The following FAM120A variants were observed in gnomAD, a reference collection of about 807,000 sequenced individuals.
FAM120A encodes the protein constitutive coactivator of PPAR-gamma-like protein 1.
Under a neutral mutation model 109.7 loss-of-function variants are expected in FAM120A, and 15 were observed. That is an observed-to-expected ratio of 0.14 (90% CI 0.09 to 0.21). FAM120A has a LOEUF of 0.21. Among genes scored for constraint, FAM120A ranks in the 10% least tolerant of loss-of-function variants. The pLI, the probability that FAM120A is intolerant of heterozygous loss-of-function variation, is 1.00. For missense variants in FAM120A, 899 were observed against 1,439.3 expected (o/e 0.62, Z 6.07); for synonymous variants, 493 against 572.8 (o/e 0.86, Z 1.99).
chr9:93,528,042 A>G (rs1463819571), intron 8 of FAM120A, among the ~76,000 whole-genome samples: 1 of 152,188 alleles, frequency 6.6e-6, no homozygotes, highest in African/African-American at 2.4e-5. Context: ...TTCCTGCCTG[A>G]AGGTTTTGGT....
At chr9:93,510,498 C>A (rs1339583184) in intron 5 of FAM120A, among the ~76,000 whole-genome samples, 1 of 152,172 alleles carries the variant, frequency 6.6e-6, no homozygotes, top group South Asian at 2.1e-4. Flanking sequence ...TTCAAAGTAG[C>A]GACCTGGTAG....
At chr9:93,458,024 A>G (rs1419159421) in intron 1 of FAM120A, among the ~76,000 whole-genome samples, 1 of 152,142 alleles carries the variant, frequency 6.6e-6, no homozygotes, top group African/African-American at 2.4e-5. Context: ...GCTAACCCAC[A>G]TGTTTATTTG....
At chr9:93,460,146 G>C (rs1394706606) in intron 1 of FAM120A, among the ~76,000 whole-genome samples, 1 of 152,218 alleles carries the variant, frequency 6.6e-6, no homozygotes, top group East Asian at 1.9e-4. Flanking sequence ...ACCTTAATAA[G>C]CACTACACCA....
At chr9:93,510,281 C>T (rs963225351) in intron 5 of FAM120A, among the ~76,000 whole-genome samples, 52 of 152,136 alleles carry the variant, frequency 3.4e-4, no homozygotes, top group Admixed American at 2.5e-3. Flanking sequence ...ATCATGTGGC[C>T]ATTTTGGAAG....
At position 93,498,845 on chromosome 9, in the gene FAM120A, C is replaced by T; in HGVS notation, c.989C>T (p.Ala330Val). 1.9e-6 allele frequency: 3 copies of T among 1,611,910 alleles called. No individual in the cohort carries two copies. The highest frequency in any genetic ancestry group is 2.5e-6 in the Non-Finnish European group (3 of 1,178,080). The change falls in exon 5 of 18, where the codon GCG becomes GTG. Residue 330 changes from alanine (A) to valine (V), a missense_variant. Ala to Val is a moderately conservative substitution (Grantham distance 64). Around this residue, in one of 11 missense-constraint regions of FAM120A, gnomAD observed 258 missense variants for 451.4 expected, o/e 0.57. Transcript: ENST00000277165. The surrounding 1 kb of genome is among the most constrained non-coding windows in gnomAD (Gnocchi z 4.4). Reference protein sequence around the residue: ...RFKRAIGYYSATSKPMSFHPP... With the variant: ...RFKRAIGYYSVTSKPMSFHPP... The stretch of plus-strand genomic sequence containing the variant: ...AAGAGAGCAATTGGATATTATTCAG[C>T]GACTAGTAAGCCTATGTCATTTCAT...
intron 7 of FAM120A, among the ~76,000 whole-genome samples, chr9:93,523,991 C>T (rs1588879835): frequency 6.6e-6 from 1 of 152,222 alleles, no homozygotes; most frequent in African/African-American, 2.4e-5. Flanking sequence ...CAGGAGAACT[C>T]TGAGCATCTG....
At position 93,452,651 on chromosome 9, in the gene FAM120A, C is replaced by G; in HGVS notation, c.474+262C>G. The stretch of plus-strand genomic sequence containing the variant: ...GACACTTGAGGGCTGGGAGAGAGCC[C>G]CGGACCAGAATTCGGAGGCGACAGT... On this transcript the variant is annotated intron_variant, in intron 1 of 17. Transcript: ENST00000277165. This position sits in a 1 kb window ranked among gnomAD's most constrained non-coding sequence, Gnocchi z 7.0. 1 of 1,599,074 alleles carries G rather than the reference C, an allele frequency of 6.3e-7. No homozygotes were observed. Among genetic ancestry groups the G allele is most frequent in the African/African-American group, 1.3e-5 (1 of 75,062 alleles).
At chr9:93,533,046 G>A (rs1861390807) in intron 10 of FAM120A, among the ~76,000 whole-genome samples, 1 of 152,172 alleles carries the variant, frequency 6.6e-6, no homozygotes, top group Admixed American at 6.5e-5. Flanking sequence ...ATCTCCTAAT[G>A]TAAGGAATGT....
intron 3 of FAM120A, among the ~76,000 whole-genome samples, chr9:93,483,083 A>G (rs754469659): frequency 6.6e-5 from 10 of 152,238 alleles, no homozygotes; most frequent in Non-Finnish European, 5.9e-5. Context: ...TAAGTTGGGT[A>G]TAAACTGTAA....
chr9:93,508,134 A>G (rs1286490443), intron 5 of FAM120A, among the ~76,000 whole-genome samples: 1 of 152,172 alleles, frequency 6.6e-6, no homozygotes, highest in Non-Finnish European at 1.5e-5. Flanking sequence ...AGCCTCCACT[A>G]AGCAGCATGG....
intron 1 of FAM120A, among the ~76,000 whole-genome samples, chr9:93,465,176 T>C (rs1466046218): frequency 6.6e-6 from 1 of 152,244 alleles, no homozygotes; most frequent in Non-Finnish European, 1.5e-5. Flanking sequence ...GTAAGTTATT[T>C]TGATGCAACC....
At position 93,451,915 on chromosome 9, in the gene FAM120A, C is replaced by T; in HGVS notation, c.-1C>T. The stretch of plus-strand genomic sequence containing the variant: ...CCCGCGCCCGCGCCCCCGCCGCCGC[C>T]ATGGGCGTGCAGGGCTTCCAGGACT... On this transcript the variant is annotated 5_prime_UTR_variant, in exon 1 of 18. Transcript: ENST00000277165. 3 of 1,338,498 alleles carry T rather than the reference C, an allele frequency of 2.2e-6. No individual in the cohort carries two copies. Among genetic ancestry groups the T allele is most frequent in the African/African-American group, 3.1e-5 (2 of 64,916 alleles). 82.9% of individuals were successfully genotyped at this position (1,338,498 alleles called of 1,614,324 possible).
chr9:93,468,990 C>T (rs1371748283), intron 1 of FAM120A, among the ~76,000 whole-genome samples: 1 of 152,268 alleles, frequency 6.6e-6, no homozygotes, highest in Non-Finnish European at 1.5e-5. Flanking sequence ...GATTGGAACA[C>T]AGTGGGTCCC....
At position 93,532,057 on chromosome 9, in the gene FAM120A, A is replaced by G. The variant is rs1052340427; in HGVS notation, c.1735-98A>G. The stretch of plus-strand genomic sequence containing the variant: ...GCAGTTGATTTGGAATGGAATTGCA[A>G]TGTCATTAACTGGAGATAATACAGT... On this transcript the variant is annotated intron_variant, in intron 9 of 17. Coordinates refer to ENST00000277165, the MANE Select transcript of FAM120A (RefSeq NM_014612.5). This position sits in a 1 kb window ranked among gnomAD's most constrained non-coding sequence, Gnocchi z 4.3. 31 of 1,133,798 alleles carry G rather than the reference A, an allele frequency of 2.7e-5. No homozygotes were observed. The highest frequency in any genetic ancestry group is 8.5e-5 in the Admixed American group (4 of 46,848). 70.2% of individuals were successfully genotyped at this position (1,133,798 alleles called of 1,614,324 possible). A position where few individuals can be genotyped will look rare whatever the true frequency, so the allele number is the denominator to read the frequency against.
At chr9:93,520,310 C>T (rs1396907191) in intron 7 of FAM120A, among the ~76,000 whole-genome samples, 1 of 152,142 alleles carries the variant, frequency 6.6e-6, no homozygotes, top group East Asian at 1.9e-4. Flanking sequence ...TATGATCATA[C>T]CTGTGAATGG....
chr9:93,558,728 C>T lies in FAM120A; in HGVS notation c.2806+10C>T. On this transcript the variant is annotated intron_variant, in intron 15 of 17. Coordinates refer to ENST00000277165, the MANE Select transcript of FAM120A (RefSeq NM_014612.5). ...AGCAAGTCCCAGGGCGGTAATTATA[C>T]CCACCCCTTCCCAGAGCTTCTGCCT... 1.2e-6 allele frequency: 2 copies of T among 1,611,664 alleles called. No homozygotes were observed. The highest frequency in any genetic ancestry group is 8.5e-7 in the Non-Finnish European group (1 of 1,178,690).
At chr9:93,558,269 A>G (rs1862360529) in intron 14 of FAM120A, among the ~76,000 whole-genome samples, 1 of 152,242 alleles carries the variant, frequency 6.6e-6, no homozygotes. Flanking sequence ...ATTTTAAGAT[A>G]TATTTGTTTC....
chr9:93,508,792 G>C (rs1473015996), intron 5 of FAM120A, among the ~76,000 whole-genome samples: 1 of 152,116 alleles, frequency 6.6e-6, no homozygotes, highest in Non-Finnish European at 1.5e-5. Context: ...CTTCATATGT[G>C]TCACCACAGC....
chr9:93,465,320 G>A (rs916833316), intron 1 of FAM120A, among the ~76,000 whole-genome samples: 3 of 152,134 alleles, frequency 2.0e-5, no homozygotes, highest in Admixed American at 6.5e-5. Context: ...GGCCTCTTAC[G>A]AATATTCTTA....
Sources: allele counts gnomAD v4.1 joint callset (sites outside exome capture counted in the v4.1 genomes callset), GRCh38; gene constraint gnomAD v4.1.1; regional missense constraint gnomAD v4.1.1; non-coding constraint Gnocchi (gnomAD v3.1); transcripts MANE v1.5; gene names NCBI Gene and HGNC (gene_info 2026-07-23, HGNC 2026-07-21).